ZNF33A: variants seen among roughly 807,000 people sequenced by gnomAD.
ZNF33A encodes the protein brain my041 protein.
Under a neutral mutation model 15.9 loss-of-function variants are expected in ZNF33A, and 9 were observed. That is an observed-to-expected ratio of 0.57 (90% CI 0.34 to 0.99). The LOEUF (loss-of-function observed/expected upper bound fraction) is 0.99, where lower values mean the gene tolerates loss of function less well. Ranked by LOEUF, ZNF33A falls within the 50% of genes least tolerant of loss-of-function variation. ZNF33A has a pLI of 0.02. For synonymous variants in ZNF33A, 294 were observed against 324.2 expected, an observed-to-expected ratio of 0.91 and a Z score of 1.00; for missense variants, 843 against 941.6, an observed-to-expected ratio of 0.90 and a Z score of 1.37.
chr10:38,056,740 C>A lies in ZNF33A; in HGVS notation c.*180C>A. 8.0e-7 allele frequency: 1 copy of A among 1,245,890 alleles called. No homozygotes were observed. Among genetic ancestry groups the A allele is most frequent in the Non-Finnish European group, 1.0e-6 (1 of 995,368 alleles). 77.2% of individuals were successfully genotyped at this position (1,245,890 alleles called of 1,614,324 possible). A position where few individuals can be genotyped will look rare whatever the true frequency, so the allele number is the denominator to read the frequency against. On this transcript the variant is annotated 3_prime_UTR_variant, in exon 5 of 5. Transcript: ENST00000432900. ...TTTGTGAAAGTTTTTGGCAAAAATG[C>A]AAATAAGGTTATGTTAGAATTTACA...
chr10:38,039,247 A>G (rs2065588774), intron 4 of ZNF33A, among the ~76,000 whole-genome samples: 1 of 151,612 alleles, frequency 6.6e-6, no homozygotes, highest in South Asian at 2.1e-4. Flanking sequence ...TTTTTGAGAC[A>G]GGGCCTCACT....
At chr10:38,050,982 G>A in intron 4 of ZNF33A, among the ~76,000 whole-genome samples, 1 of 152,102 alleles carries the variant, frequency 6.6e-6, no homozygotes, top group East Asian at 1.9e-4. Context: ...TTAGAAATAG[G>A]AATTTCATTT....
At chr10:38,048,247 T>C (rs756228401) in intron 4 of ZNF33A, among the ~76,000 whole-genome samples, 4 of 152,214 alleles carry the variant, frequency 2.6e-5, no homozygotes, top group Non-Finnish European at 5.9e-5. Context: ...ACAAGATATT[T>C]TTCTTCATGT....
intron 4 of ZNF33A, among the ~76,000 whole-genome samples, chr10:38,036,996 A>G (rs568089659): frequency 2.0e-5 from 3 of 152,266 alleles, no homozygotes; most frequent in South Asian, 2.1e-4. Flanking sequence ...CCCTAATTAC[A>G]TACATTATTA....
chr10:38,062,989 C>T (rs7091319), downstream of ZNF33A, among the ~76,000 whole-genome samples: 480 of 113,484 alleles, frequency 4.2e-3, 5 homozygotes, highest in African/African-American at 0.016. Context: ...GACGACAGAG[C>T]GAGACTCCAT....
At chr10:38,053,655 C>T (rs777023182) in intron 4 of ZNF33A, among the ~76,000 whole-genome samples, 1 of 152,108 alleles carries the variant, frequency 6.6e-6, no homozygotes, top group Non-Finnish European at 1.5e-5. Context: ...TGTGATTACT[C>T]TGCCCTCTTT....
intron 4 of ZNF33A, among the ~76,000 whole-genome samples, chr10:38,035,729 T>C (rs1237883102): frequency 6.6e-6 from 1 of 152,184 alleles, no homozygotes; most frequent in African/African-American, 2.4e-5. Context: ...GGGTAATTCC[T>C]TGAAATACAC....
At chr10:38,063,002 CAAAAAAAAAAAAAAAAA>C (rs373779802), downstream of ZNF33A, among the ~76,000 whole-genome samples, 44 of 44,206 alleles carry the variant, frequency 1.0e-3, no homozygotes, top group South Asian at 0.015. Flanking sequence ...GACTCCATCT[CAAAAAAAAAAAAAAAAA>C]AAAAAAAAAA....
In ZNF33A at chr10:38,055,248, A is replaced by G. The variant is rs759686180; in HGVS notation, c.1124A>G (p.His375Arg). 6.2e-7 allele frequency: 1 copy of G among 1,614,034 alleles called. No homozygotes were observed. Among genetic ancestry groups the G allele is most frequent in the Non-Finnish European group, 8.5e-7 (1 of 1,180,002 alleles). The change falls in exon 5 of 5, where the codon CAT (histidine) becomes CGT (arginine). Residue 375 changes from histidine to arginine, a missense_variant. Physicochemically the swap from His to Arg is conservative, Grantham distance 29. Transcript: ENST00000432900. The stretch of plus-strand genomic sequence containing the variant: ...TGGGATAAGTCAAACCTCACTAAAC[A>G]TCAAAGATCACACACAGGGGAGAAA... ...AFWDKSNLTK[H>R]QRSHTGEKPF... is the part of the protein sequence containing the mutation.
chr10:38,013,782 C>A (rs1237715840), intron 2 of ZNF33A, among the ~76,000 whole-genome samples: 1 of 152,018 alleles, frequency 6.6e-6, no homozygotes, highest in East Asian at 1.9e-4. Flanking sequence ...CAGATAGATA[C>A]ACAACCCCCT....
At chr10:38,047,429 A>T (rs2065995234) in intron 4 of ZNF33A, among the ~76,000 whole-genome samples, 1 of 151,786 alleles carries the variant, frequency 6.6e-6, no homozygotes, top group South Asian at 2.1e-4. Flanking sequence ...AGAGATCGAG[A>T]CTATGTTGGC....
chr10:38,024,694 C>T (rs951545111), intron 4 of ZNF33A, among the ~76,000 whole-genome samples: 1 of 152,226 alleles, frequency 6.6e-6, no homozygotes, highest in Non-Finnish European at 1.5e-5. Context: ...CTCCCCTTTT[C>T]TGTGGTTTTG....
At chr10:38,050,569 A>T (rs1377629550) in intron 4 of ZNF33A, among the ~76,000 whole-genome samples, 2 of 152,226 alleles carry the variant, frequency 1.3e-5, no homozygotes, top group Non-Finnish European at 2.9e-5. Flanking sequence ...CTTGAGAGGC[A>T]CTGCCCTACT....
At chr10:38,054,236 A>G (rs1445888142) in intron 4 of ZNF33A, 139 bp from the exon 5 acceptor site, 3 of 866,650 alleles carry the variant, frequency 3.5e-6, no homozygotes, top group Non-Finnish European at 3.3e-6. Context: ...TACAAAAAAT[A>G]TGCACTTGCA....
chr10:38,012,449 TG>T, intron 2 of ZNF33A, 99 bp downstream of exon 2: 1 of 1,175,804 alleles, frequency 8.5e-7, no homozygotes, highest in African/African-American at 1.7e-5. Context: ...TTTTTTTTTG[TG>T]AGACGGAGTC....
At chr10:38,045,420 C>G (rs948301795) in intron 4 of ZNF33A, among the ~76,000 whole-genome samples, 3 of 152,162 alleles carry the variant, frequency 2.0e-5, no homozygotes, top group African/African-American at 4.8e-5. Context: ...TGACGTATTG[C>G]TCTATTGTTT....
At chr10:38,036,090 C>G (rs1344895836) in intron 4 of ZNF33A, among the ~76,000 whole-genome samples, 1 of 152,126 alleles carries the variant, frequency 6.6e-6, no homozygotes. Context: ...TAGAATGCAA[C>G]ATTGTATGAA....
rs867909892 is a variant in ZNF33A, at chr10:38,058,087, C to G, written c.*1527C>G. 19 of 971,204 alleles carry G rather than the reference C, an allele frequency of 2.0e-5. No individual in the cohort carries two copies. The highest frequency in any genetic ancestry group is 5.2e-4 in the Middle Eastern group (1 of 1,920). The allele number at this position is 971,204 out of a possible 1,614,324, so 60.2% of individuals were successfully genotyped here. ...TAGATTACACAAGTAATCTAAGCTT[C>G]CACTTTAGGAAACTAGAAAAAGAAG... On this transcript the variant is annotated 3_prime_UTR_variant, in exon 5 of 5. Transcript: ENST00000432900.
intron 4 of ZNF33A, among the ~76,000 whole-genome samples, chr10:38,041,184 A>G (rs1212379246): frequency 6.6e-6 from 1 of 152,108 alleles, no homozygotes; most frequent in African/African-American, 2.4e-5. Context: ...GACATAGCAC[A>G]TAGAGGTGAG....
Sources: allele counts gnomAD v4.1 joint callset (sites outside exome capture counted in the v4.1 genomes callset), GRCh38; gene constraint gnomAD v4.1.1; transcripts MANE v1.5; gene names NCBI Gene and HGNC (gene_info 2026-07-23, HGNC 2026-07-21).